The following ABTB3 variants were observed in gnomAD, a reference collection of about 807,000 sequenced individuals.
The protein encoded by ABTB3 is ankyrin repeat- and BTB/POZ domain-containing protein 3.
At chr12:107,407,071 A>G in the ABTB3 span, among the ~76,000 whole-genome samples, 2 of 152,140 alleles carry the variant, frequency 1.3e-5, no homozygotes, top group Non-Finnish European at 2.9e-5. Context: ...CAGGACTGTC[A>G]TGAGGATTCA....
chr12:107,595,340 G>C, the ABTB3 span, among the ~76,000 whole-genome samples: 1 of 152,166 alleles, frequency 6.6e-6, no homozygotes, highest in East Asian at 1.9e-4. Flanking sequence ...AAGCCACAGG[G>C]GAGCAGATTT....
the ABTB3 span, among the ~76,000 whole-genome samples, chr12:107,557,689 A>G: frequency 5.9e-5 from 9 of 152,312 alleles, no homozygotes; most frequent in African/African-American, 2.2e-4. Context: ...CATTCTAAGT[A>G]CTTTACATGA....
At chr12:107,479,916 C>G in the ABTB3 span, among the ~76,000 whole-genome samples, 1 of 152,152 alleles carries the variant, frequency 6.6e-6, no homozygotes, top group African/African-American at 2.4e-5. Context: ...CAAATCATAT[C>G]CAGGACTTGG....
At chr12:107,386,242 G>A in the ABTB3 span, among the ~76,000 whole-genome samples, 6 of 152,224 alleles carry the variant, frequency 3.9e-5, no homozygotes, top group East Asian at 9.7e-4. Context: ...CTAGTTCAAG[G>A]TTTCCAATCT....
At chr12:107,459,301 G>A in the ABTB3 span, among the ~76,000 whole-genome samples, 2 of 152,166 alleles carry the variant, frequency 1.3e-5, no homozygotes, top group Admixed American at 6.5e-5. Context: ...TTGCCGCACT[G>A]AACCCCATGG....
the ABTB3 span, among the ~76,000 whole-genome samples, chr12:107,599,011 T>C: frequency 6.6e-6 from 1 of 152,162 alleles, no homozygotes; most frequent in Non-Finnish European, 1.5e-5. Context: ...CAGTCAACCA[T>C]AGCTGTGAAT....
the ABTB3 span, among the ~76,000 whole-genome samples, chr12:107,526,871 G>A: frequency 6.6e-6 from 1 of 152,232 alleles, no homozygotes; most frequent in East Asian, 1.9e-4. Context: ...TGAAATGTAA[G>A]TGGGCTCTTT....
the ABTB3 span, among the ~76,000 whole-genome samples, chr12:107,387,686 G>A: frequency 9.4e-4 from 143 of 152,266 alleles, 1 homozygote; most frequent in African/African-American, 3.3e-3. Context: ...AGCATGCTAG[G>A]TTAAGTACAT....
the ABTB3 span, among the ~76,000 whole-genome samples, chr12:107,397,915 A>G: frequency 2.1e-3 from 325 of 152,234 alleles, 3 homozygotes; most frequent in African/African-American, 6.8e-3. Context: ...CTGCGTTGAC[A>G]TATGGTATTT....
At chr12:107,532,116 C>G in the ABTB3 span, among the ~76,000 whole-genome samples, 1 of 152,214 alleles carries the variant, frequency 6.6e-6, no homozygotes, top group Non-Finnish European at 1.5e-5. Context: ...ACTCAGGGAC[C>G]TAAAGACAAG....
the ABTB3 span, among the ~76,000 whole-genome samples, chr12:107,477,314 C>T: frequency 6.6e-5 from 10 of 152,136 alleles, no homozygotes; most frequent in Non-Finnish European, 1.5e-4. Flanking sequence ...AACAAGCAAA[C>T]AAAAGGCGGA....
At chr12:107,599,112 A>G in the ABTB3 span, among the ~76,000 whole-genome samples, 8 of 152,170 alleles carry the variant, frequency 5.3e-5, no homozygotes, top group Admixed American at 4.6e-4. Context: ...GATCCTGAAC[A>G]GGTGTTGGGG....
At chr12:107,491,398 A>C in the ABTB3 span, among the ~76,000 whole-genome samples, 1 of 152,148 alleles carries the variant, frequency 6.6e-6, no homozygotes, top group Non-Finnish European at 1.5e-5. Flanking sequence ...TTATTTATTC[A>C]ACAGACATAG....
the ABTB3 span, among the ~76,000 whole-genome samples, chr12:107,474,226 G>C: frequency 6.6e-6 from 1 of 152,124 alleles, no homozygotes; most frequent in Non-Finnish European, 1.5e-5. Context: ...ATCCAGCATG[G>C]GGCTGGAGAG....
chr12:107,326,854 T>C, the ABTB3 span, among the ~76,000 whole-genome samples: 1 of 152,212 alleles, frequency 6.6e-6, no homozygotes, highest in South Asian at 2.1e-4. Flanking sequence ...AGTGATGAAA[T>C]CTTGCCAAAC....
At chr12:107,456,373 C>T in the ABTB3 span, among the ~76,000 whole-genome samples, 3 of 152,222 alleles carry the variant, frequency 2.0e-5, no homozygotes, top group Non-Finnish European at 2.9e-5. Flanking sequence ...TTTCCCGTTG[C>T]TCGCATTACC....
At chr12:107,398,237 G>T in the ABTB3 span, among the ~76,000 whole-genome samples, 3 of 152,042 alleles carry the variant, frequency 2.0e-5, no homozygotes, top group Non-Finnish European at 4.4e-5. Context: ...ACCACCCTGG[G>T]AGGCAGCATG....
the ABTB3 span, among the ~76,000 whole-genome samples, chr12:107,406,152 A>G: frequency 6.6e-6 from 1 of 152,148 alleles, no homozygotes. Context: ...TTGTGATAGT[A>G]CCTGTCCCAT....
chr12:107,565,908 C>G, the ABTB3 span, among the ~76,000 whole-genome samples: 30 of 152,314 alleles, frequency 2.0e-4, no homozygotes, highest in Admixed American at 1.8e-3. Context: ...TTCAAAGAGT[C>G]CTTCCCTATA....
Sources: allele counts gnomAD v4.1 joint callset (sites outside exome capture counted in the v4.1 genomes callset), GRCh38; gene constraint gnomAD v4.1.1; transcripts MANE v1.5; gene names NCBI Gene and HGNC (gene_info 2026-07-23, HGNC 2026-07-21).